DMXL1: variants seen among roughly 807,000 people sequenced by gnomAD.
DMXL1 encodes dmX-like protein 1.
In DMXL1, 99 loss-of-function variants were observed where a neutral mutation model predicts 319.2. The ratio of observed to expected loss-of-function variants is 0.31; its 90% CI spans 0.26 to 0.37. The LOEUF is 0.37. Ranked by LOEUF, DMXL1 falls within the 10% of genes least tolerant of loss-of-function variation. The pLI is 1.00. For synonymous variants in DMXL1, 1,385 were observed against 1,235.2 expected, an observed-to-expected ratio of 1.12 and a Z score of -2.54; for missense variants, 3,745 against 3,595.6, an observed-to-expected ratio of 1.04 and a Z score of -1.06.
At chr5:119,123,557 G>C (rs1762792046) in intron 9 of DMXL1, among the ~76,000 whole-genome samples, 1 of 152,088 alleles carries the variant, frequency 6.6e-6, no homozygotes. Context: ...TTGTGATTTA[G>C]GATCTTGATA....
chr5:119,072,224 G>T (rs372653931), intron 1 of DMXL1, among the ~76,000 whole-genome samples: 62 of 152,126 alleles, frequency 4.1e-4, no homozygotes, highest in African/African-American at 1.4e-3. Context: ...ATATTTCTTG[G>T]ATATTTTACA....
chr5:119,092,911 T>C (rs926340322), intron 1 of DMXL1, among the ~76,000 whole-genome samples: 1 of 152,236 alleles, frequency 6.6e-6, no homozygotes, highest in Non-Finnish European at 1.5e-5. Context: ...GATGGACATT[T>C]GAGTTGTTTC....
chr5:119,116,347 T>C lies in DMXL1; in HGVS notation c.743+11T>C. 1.2e-6 allele frequency: 2 copies of C among 1,609,370 alleles called. No homozygotes were observed. The highest frequency in any genetic ancestry group is 1.7e-6 in the Non-Finnish European group (2 of 1,177,422). On this transcript the variant is annotated intron_variant, in intron 7 of 43. Transcript: ENST00000539542. ...CAAATATATGCCTAGGTCAGTGGAT[T>C]GGTCATTTCCCTCCACATATTAAGG...
chr5:119,144,459 A>G, intron 14 of DMXL1, 77 bp from the exon 15 acceptor site: 2 of 1,022,802 alleles, frequency 2.0e-6, no homozygotes, highest in Non-Finnish European at 2.9e-6. Context: ...CTCATTATGA[A>G]GTATTATTTT....
rs373534557 is a variant in DMXL1, at chr5:119,088,757, CAAAT to C, written c.88-9218_88-9215del. ...CAGCTTATATCTCAAAGAATAGAAA[CAAAT>C]AAAAATAAAATGCTATACTCACATT... On this transcript the variant is annotated intron_variant, in intron 1 of 43. Coordinates refer to ENST00000539542, the MANE Select transcript of DMXL1 (RefSeq NM_001290321.3). Among the ~76,000 whole-genome samples, 34 of 152,182 alleles carry C rather than the reference CAAAT, an allele frequency of 2.2e-4. No individual in the cohort carries two copies. In the East Asian group the frequency reaches 5.6e-3, roughly 25 times the overall value.
chr5:119,132,023 T>G (rs966506997), intron 10 of DMXL1, among the ~76,000 whole-genome samples: 33 of 152,214 alleles, frequency 2.2e-4, no homozygotes, highest in Non-Finnish European at 4.1e-4. Context: ...ATTATGCAGA[T>G]CTGGGCATAT....
Position 119,133,326 on chromosome 5 carries a change from C to T in DMXL1, c.1510C>T (p.Leu504=), listed in dbSNP as rs1765334515. The stretch of plus-strand genomic sequence containing the variant: ...TATTCATCCCATGGATGGTTCTTTG[C>T]TAGTTTGGCATGTGGATTGGCTGGA... ...FSIHPMDGSL[L]VWHVDWLDEY... is the part of the protein sequence containing the mutation. Residue 504 remains leucine (L), a synonymous_variant, in exon 11 of 44, where the codon CTA becomes TTA. Transcript: ENST00000539542. 6.2e-7 allele frequency: 1 copy of T among 1,613,924 alleles called. No individual in the cohort carries two copies.
chr5:119,151,023 C>G (rs1226879113), intron 18 of DMXL1, among the ~76,000 whole-genome samples: 1 of 152,086 alleles, frequency 6.6e-6, no homozygotes, highest in Non-Finnish European at 1.5e-5. Flanking sequence ...CTGAGTTTAG[C>G]AAAATTTAAC....
At chr5:119,151,096 A>G (rs1001766384) in intron 18 of DMXL1, among the ~76,000 whole-genome samples, 2 of 152,070 alleles carry the variant, frequency 1.3e-5, no homozygotes, top group African/African-American at 4.8e-5. Flanking sequence ...TTTTCCCCTC[A>G]TTTTGTAATA....
intron 30 of DMXL1, among the ~76,000 whole-genome samples, chr5:119,194,741 A>C (rs1235527450): frequency 6.6e-6 from 1 of 152,192 alleles, no homozygotes; most frequent in African/African-American, 2.4e-5. Context: ...ACTCAACAAC[A>C]AAAAGGTAAA....
chr5:119,196,025 C>T (rs73243001), intron 30 of DMXL1, among the ~76,000 whole-genome samples: 6,217 of 152,212 alleles, frequency 0.041, 437 homozygotes, highest in African/African-American at 0.14. Context: ...ATACTACATA[C>T]AGTGTTCTGC....
chr5:119,213,436 C>T (rs1783146425), intron 34 of DMXL1, among the ~76,000 whole-genome samples: 1 of 152,114 alleles, frequency 6.6e-6, no homozygotes, highest in African/African-American at 2.4e-5. Context: ...TAACTGAAGC[C>T]CATCTCCCTC....
In DMXL1 at chr5:119,133,124, G is replaced by C; in HGVS notation, c.1316-8G>C. On this transcript the variant is annotated splice_polypyrimidine_tract_variant and splice_region_variant and intron_variant, in intron 10 of 43. Coordinates refer to ENST00000539542, the MANE Select transcript of DMXL1 (RefSeq NM_001290321.3). ...ATTTACTTGGTTCATGAACTCTTTT[G>C]CTTATAGAAACTGATGATGGTGTTG... The C allele has an allele frequency of 6.2e-7, 1 of 1,613,422 alleles. No homozygotes were observed. The highest frequency in any genetic ancestry group is 2.2e-5 in the East Asian group (1 of 44,856).
Position 119,133,871 on chromosome 5 carries a change from A to G in DMXL1, c.1947A>G (p.Leu649=). ...HLNDLACHSV[L]PLLLTTSHHN... The stretch of plus-strand genomic sequence containing the variant: ...ATGATTTAGCTTGCCACTCAGTATT[A>G]CCATTATTGCTGACAACATCACACC... The change falls in exon 12 of 44, where the codon TTA becomes TTG. Residue 649 remains leucine, a synonymous_variant. Coordinates refer to ENST00000539542, the MANE Select transcript of DMXL1 (RefSeq NM_001290321.3). The G allele has an allele frequency of 6.2e-7, 1 of 1,614,134 alleles. No individual in the cohort carries two copies. Among genetic ancestry groups the G allele is most frequent in the Non-Finnish European group, 8.5e-7 (1 of 1,180,024 alleles).
chr5:119,127,861 T>A, intron 9 of DMXL1: 2 of 336,656 alleles, frequency 5.9e-6, no homozygotes, highest in South Asian at 5.5e-5. Flanking sequence ...ATTTCTCTGG[T>A]ATCAGCATGT....
chr5:119,094,063 G>A (rs1276491975), intron 1 of DMXL1, among the ~76,000 whole-genome samples: 1 of 152,218 alleles, frequency 6.6e-6, no homozygotes, highest in African/African-American at 2.4e-5. Context: ...AGAAGCTTCG[G>A]CATGTTATCC....
intron 28 of DMXL1, among the ~76,000 whole-genome samples, chr5:119,186,979 ACG>A (rs1777837733): frequency 6.6e-6 from 1 of 152,114 alleles, no homozygotes; most frequent in Non-Finnish European, 1.5e-5. Context: ...AATGTAAATG[ACG>A]AGTTAATGGG....
intron 23 of DMXL1, 109 bp downstream of exon 23, chr5:119,167,973 G>A (rs1773769568): frequency 9.4e-7 from 1 of 1,069,098 alleles, no homozygotes; most frequent in African/African-American, 1.7e-5. Context: ...TTGAATTCAT[G>A]GTCTTTATAA....
chr5:119,235,560 A>G lies in DMXL1; in HGVS notation c.8467-1762A>G, dbSNP rs538960257. On this transcript the variant is annotated intron_variant, in intron 39 of 43. Coordinates refer to ENST00000539542, the MANE Select transcript of DMXL1 (RefSeq NM_001290321.3). ...AGGAAAAACAATATTCAAAGGAATA[A>G]TAGATACTTCCCCAAAGCAAAGAAT... 3.9e-5 allele frequency among the ~76,000 whole-genome samples: 6 copies of G among 152,270 alleles called. No homozygotes were observed. The East Asian group carries it at 1.2e-3, about 29-fold the overall frequency.
Sources: gnomAD v4.1 joint callset for allele counts (sites outside exome capture counted in the v4.1 genomes callset) on GRCh38, gnomAD v4.1.1 for gene constraint, MANE v1.5 for transcripts, NCBI Gene and HGNC (gene_info 2026-07-23, HGNC 2026-07-21) for gene names.